The following ARNT variants were observed in gnomAD, a reference collection of about 807,000 sequenced individuals.
ARNT encodes aryl hydrocarbon receptor nuclear translocator, also known as class E basic helix-loop-helix protein 2.
A neutral mutation model predicts 105.0 loss-of-function variants in ARNT; 30 were observed. That is an observed-to-expected ratio of 0.29 (90% CI 0.21 to 0.39). The LOEUF is 0.39. Among genes scored for constraint, ARNT ranks in the 10% least tolerant of loss-of-function variants. The probability of loss-of-function intolerance (pLI) is 1.00; values close to 1 mark genes in which losing one functional copy is unlikely to be tolerated. For synonymous variants in ARNT, 304 were observed against 344.0 expected (o/e 0.88, Z 1.29); for missense variants, 748 against 978.7 (o/e 0.76, Z 3.15).
chr1:150,836,343 C>A lies in ARNT; in HGVS notation c.637G>T (p.Val213Leu). The A allele has an allele frequency of 6.2e-7, 1 of 1,614,126 alleles. No homozygotes were observed. The highest frequency in any genetic ancestry group is 8.5e-7 in the Non-Finnish European group (1 of 1,180,016). Reference sequence around the variant, plus strand: ...AGTTTATCCACATCATCTGGGTGCACCTGATCATAGAGTGTGCTGCCAAAC... The same window carrying A: ...AGTTTATCCACATCATCTGGGTGCAACTGATCATAGAGTGTGCTGCCAAAC... ...EWFGSTLYDQ[V>L]HPDDVDKLRE... Residue 213 changes from valine to leucine, a missense_variant, in exon 7 of 22, where the codon GTG becomes TTG. Physicochemically the swap from Val to Leu is conservative, Grantham distance 32. This residue lies in a region of ARNT where 291 missense variants were observed against 444.6 expected (regional missense o/e 0.65). Coordinates refer to ENST00000358595, the MANE Select transcript of ARNT (RefSeq NM_001668.4).
At chr1:150,861,329 C>CAA (rs139885151) in intron 1 of ARNT, 330 of 365,658 alleles carry the variant, frequency 9.0e-4, no homozygotes, top group East Asian at 2.3e-3. Flanking sequence ...GACAACATCG[C>CAA]AAAAAAAAAA....
At chr1:150,851,129 C>T (rs1663372182) in intron 3 of ARNT, among the ~76,000 whole-genome samples, 1 of 151,414 alleles carries the variant, frequency 6.6e-6, no homozygotes, top group African/African-American at 2.4e-5. Context: ...CTCCGCCCGG[C>T]AGCCGCCCCG....
Position 150,834,258 on chromosome 1 carries a change from T to A in ARNT, c.803+280A>T, listed in dbSNP as rs10305702. 7.7e-3 allele frequency among the ~76,000 whole-genome samples: 1,171 copies of A among 152,288 alleles called. 6 individuals carry two copies. Among genetic ancestry groups the A allele is most frequent in the Non-Finnish European group, 0.011 (718 of 68,012 alleles). ...ACCTGGCCAAGTTCATTTCTTTATATCTGTTTTTCCATCTGCAAAATGGTA... is the reference window on the plus strand; with the variant it reads ...ACCTGGCCAAGTTCATTTCTTTATAACTGTTTTTCCATCTGCAAAATGGTA... On this transcript the variant is annotated intron_variant, in intron 8 of 21. Coordinates refer to ENST00000358595, the MANE Select transcript of ARNT (RefSeq NM_001668.4).
At chr1:150,824,635 A>G (rs1395132505) in intron 13 of ARNT, among the ~76,000 whole-genome samples, 1 of 151,422 alleles carries the variant, frequency 6.6e-6, no homozygotes, top group Non-Finnish European at 1.5e-5. Flanking sequence ...TTGTATTTTT[A>G]GTAGAGACGG....
At chr1:150,818,150 A>G (rs1320510072) in intron 14 of ARNT, 120 bp from the exon 15 acceptor site, 2 of 665,764 alleles carry the variant, frequency 3.0e-6, no homozygotes, top group Admixed American at 2.9e-5. Flanking sequence ...TAGGTGGAAC[A>G]ATCAATAAAT....
At position 150,818,106 on chromosome 1, in the gene ARNT, A is replaced by G. The variant is rs587710481; in HGVS notation, c.1395-76T>C. 7 of 1,049,162 alleles carry G rather than the reference A, an allele frequency of 6.7e-6. No individual in the cohort carries two copies. In the African/African-American group the frequency reaches 9.5e-5, roughly 14 times the overall value. 65.0% of individuals were successfully genotyped at this position (1,049,162 alleles called of 1,614,324 possible). On this transcript the variant is annotated intron_variant, in intron 14 of 21. Coordinates refer to ENST00000358595, the MANE Select transcript of ARNT (RefSeq NM_001668.4). ...GGAGAGAGAGAGAAAGAGAAGAATA[A>G]GATTCTGTATGTAAAGCTCTATAGA...
chr1:150,859,710 T>C (rs756301424), intron 1 of ARNT, among the ~76,000 whole-genome samples: 5 of 152,088 alleles, frequency 3.3e-5, no homozygotes, highest in Non-Finnish European at 5.9e-5. Context: ...CCTAACTCTG[T>C]AATCAAAAAG....
intron 5 of ARNT, among the ~76,000 whole-genome samples, chr1:150,840,887 AT>A (rs1661154780): frequency 6.6e-6 from 1 of 151,888 alleles, no homozygotes; most frequent in South Asian, 2.1e-4. Context: ...CAAGGAGATA[AT>A]CATGCAACAT....
chr1:150,817,473 A>C (rs1656126165), intron 15 of ARNT, 40 bp from the exon 16 acceptor site: 4 of 1,599,432 alleles, frequency 2.5e-6, no homozygotes, highest in Non-Finnish European at 3.4e-6. Flanking sequence ...AATAGAAAAA[A>C]AAATTTTTTT....
chr1:150,850,480 C>T (rs1056462806), intron 3 of ARNT, among the ~76,000 whole-genome samples: 1 of 152,116 alleles, frequency 6.6e-6, no homozygotes, highest in Non-Finnish European at 1.5e-5. Flanking sequence ...GACGGGGTTT[C>T]GCTGGGTTGG....
At chr1:150,855,085 C>T (rs962092440) in intron 2 of ARNT, among the ~76,000 whole-genome samples, 4 of 151,936 alleles carry the variant, frequency 2.6e-5, no homozygotes, top group South Asian at 4.1e-4. Flanking sequence ...TATGAGCCTC[C>T]GTGCTCAGCC....
chr1:150,858,713 C>T (rs886849913), intron 1 of ARNT, among the ~76,000 whole-genome samples: 5 of 151,544 alleles, frequency 3.3e-5, no homozygotes, highest in Non-Finnish European at 7.4e-5. Context: ...CCTCAAACTC[C>T]TGGGCTCAAG....
intron 3 of ARNT, among the ~76,000 whole-genome samples, chr1:150,846,694 A>G (rs1336090494): frequency 6.6e-6 from 1 of 152,134 alleles, no homozygotes; most frequent in African/African-American, 2.4e-5. Context: ...CCATATTCAC[A>G]TTGTTGTGCA....
At chr1:150,852,706 G>C in intron 3 of ARNT, 56 bp downstream of exon 3, 1 of 1,509,446 alleles carries the variant, frequency 6.6e-7, no homozygotes, top group Non-Finnish European at 9.2e-7. Context: ...GAAGTATAAA[G>C]ATCATAAACT....
intron 3 of ARNT, among the ~76,000 whole-genome samples, chr1:150,851,962 C>T (rs989386157): frequency 5.9e-5 from 9 of 151,874 alleles, no homozygotes; most frequent in East Asian, 5.8e-4. Context: ...GCAGGAGAAT[C>T]GCTAGAACCC....
chr1:150,839,659 A>G lies in ARNT; in HGVS notation c.273-5T>C, dbSNP rs1199418632. 1 of 1,611,524 alleles carries G rather than the reference A, an allele frequency of 6.2e-7. No homozygotes were observed. The highest frequency in any genetic ancestry group is 1.1e-5 in the South Asian group (1 of 90,758). On this transcript the variant is annotated splice_polypyrimidine_tract_variant and splice_region_variant and intron_variant, in intron 5 of 21. Coordinates refer to ENST00000358595, the MANE Select transcript of ARNT (RefSeq NM_001668.4). ...TCAATTTCACTGTGATTTTCCCTGC[A>G]TGGAAAGAAAGAGAAGCCCCATCCA...
intron 13 of ARNT, among the ~76,000 whole-genome samples, chr1:150,826,269 T>C (rs773699943): frequency 6.6e-4 from 100 of 152,322 alleles, no homozygotes; most frequent in Non-Finnish European, 1.2e-3. Context: ...TGAGCCACCA[T>C]GCCTGGCGCA....
At chr1:150,868,595 C>T (rs1320828828) in intron 1 of ARNT, among the ~76,000 whole-genome samples, 1 of 152,134 alleles carries the variant, frequency 6.6e-6, no homozygotes, top group African/African-American at 2.4e-5. Flanking sequence ...CACTCGAGGA[C>T]AGTAGTTCAA....
chr1:150,811,714 T>C lies in ARNT; in HGVS notation c.*307A>G. On this transcript the variant is annotated 3_prime_UTR_variant, in exon 22 of 22. Transcript: ENST00000358595. ...ATGTCAGGTTCTTCTAACCTGCCTCTTGATCTCAGCACAAATCAACACTAT... is the reference window on the plus strand; with the variant it reads ...ATGTCAGGTTCTTCTAACCTGCCTCCTGATCTCAGCACAAATCAACACTAT... 3.9e-6 allele frequency: 1 copy of C among 255,820 alleles called. No individual in the cohort carries two copies. The allele number at this position is 255,820 out of a possible 1,614,324, so 15.8% of individuals were successfully genotyped here.
Sources: allele counts gnomAD v4.1 joint callset (sites outside exome capture counted in the v4.1 genomes callset), GRCh38; gene constraint gnomAD v4.1.1; regional missense constraint gnomAD v4.1.1; transcripts MANE v1.5; gene names NCBI Gene and HGNC (gene_info 2026-07-23, HGNC 2026-07-21).